CD226: variants seen among roughly 807,000 people sequenced by gnomAD.
The protein encoded by CD226 is CD226 antigen.
Under a neutral mutation model 34.9 loss-of-function variants are expected in CD226, and 24 were observed. The ratio of observed to expected loss-of-function variants is 0.69; its 90% confidence interval spans 0.50 to 0.97. The LOEUF is 0.97. Among genes scored for constraint, CD226 ranks in the 50% least tolerant of loss-of-function variants. CD226 has a pLI of 0.00. For synonymous variants in CD226, 148 were observed against 147.4 expected, an observed-to-expected ratio of 1.00 and a Z score of -0.03; for missense variants, 397 against 412.7, an observed-to-expected ratio of 0.96 and a Z score of 0.33.
At chr18:69,933,598 A>G (rs1045098354) in intron 2 of CD226, among the ~76,000 whole-genome samples, 2 of 152,216 alleles carry the variant, frequency 1.3e-5, no homozygotes, top group Non-Finnish European at 2.9e-5. Context: ...GTATAGGCAT[A>G]CATTCTTTCT....
intron 2 of CD226, among the ~76,000 whole-genome samples, chr18:69,926,823 A>C (rs577052083): frequency 1.3e-5 from 2 of 152,316 alleles, no homozygotes; most frequent in African/African-American, 2.4e-5. Flanking sequence ...AAAATGAAGA[A>C]ACTTTTCAGA....
chr18:69,888,227 G>C (rs1984676089), intron 3 of CD226, among the ~76,000 whole-genome samples: 1 of 151,994 alleles, frequency 6.6e-6, no homozygotes, highest in South Asian at 2.1e-4. Flanking sequence ...AGAAATCTTT[G>C]ATCAATCATT....
intron 2 of CD226, among the ~76,000 whole-genome samples, chr18:69,929,016 C>G (rs2055557207): frequency 6.6e-6 from 1 of 152,112 alleles, no homozygotes. Context: ...GGTGAGGGCT[C>G]CAAAGACAAA....
intron 3 of CD226, among the ~76,000 whole-genome samples, chr18:69,881,711 A>C (rs559759376): frequency 6.6e-6 from 1 of 152,290 alleles, no homozygotes; most frequent in African/African-American, 2.4e-5. Context: ...AGTCGTGTAC[A>C]GCAGAGCATG....
chr18:69,869,459 C>T (rs1475582234), intron 4 of CD226, among the ~76,000 whole-genome samples: 5 of 152,102 alleles, frequency 3.3e-5, no homozygotes, highest in South Asian at 2.1e-4. Context: ...ATGATGAGAA[C>T]ACATGGACAC....
At chr18:69,900,704 AGTCCG>A (rs2055170141) in intron 2 of CD226, among the ~76,000 whole-genome samples, 1 of 146,584 alleles carries the variant, frequency 6.8e-6, no homozygotes, top group Non-Finnish European at 1.5e-5. Context: ...TGCAGTCCGC[AGTCCG>A]GCCTGGGCGA....
intron 2 of CD226, among the ~76,000 whole-genome samples, chr18:69,934,545 T>C (rs1010344125): frequency 1.3e-5 from 2 of 152,244 alleles, no homozygotes; most frequent in Non-Finnish European, 2.9e-5. Context: ...GCAGATATGA[T>C]GCACATAGCT....
intron 3 of CD226, among the ~76,000 whole-genome samples, chr18:69,883,065 G>A (rs1984357571): frequency 6.6e-6 from 1 of 152,150 alleles, no homozygotes; most frequent in Admixed American, 6.5e-5. Flanking sequence ...CATGTCTGTA[G>A]ACATGTCTTG....
At chr18:69,895,272 G>A (rs1038100778) in intron 3 of CD226, among the ~76,000 whole-genome samples, 1 of 152,142 alleles carries the variant, frequency 6.6e-6, no homozygotes, top group Non-Finnish European at 1.5e-5. Flanking sequence ...TGCACTCAAC[G>A]CAGCCCTGCT....
intron 5 of CD226, among the ~76,000 whole-genome samples, chr18:69,865,384 C>G (rs1392590833): frequency 6.6e-6 from 1 of 151,550 alleles, no homozygotes; most frequent in African/African-American, 2.4e-5. Flanking sequence ...TGAAGTAGTT[C>G]TAATGTCTTT....
At chr18:69,936,703 A>T (rs2055658163) in intron 2 of CD226, among the ~76,000 whole-genome samples, 1 of 152,222 alleles carries the variant, frequency 6.6e-6, no homozygotes, top group Non-Finnish European at 1.5e-5. Flanking sequence ...AATGGGCCTG[A>T]AGAGAGAGCT....
At chr18:69,920,416 G>A (rs1461334477) in intron 2 of CD226, among the ~76,000 whole-genome samples, 1 of 152,102 alleles carries the variant, frequency 6.6e-6, no homozygotes, top group South Asian at 2.1e-4. Flanking sequence ...ATGCTTCATG[G>A]AGTTTATAAT....
intron 3 of CD226, among the ~76,000 whole-genome samples, chr18:69,874,098 A>C (rs1429436365): frequency 6.6e-6 from 1 of 152,156 alleles, no homozygotes; most frequent in East Asian, 1.9e-4. Context: ...TTCTCATCCT[A>C]AATCTTTCAC....
chr18:69,869,799 CTTTTTTTTT>C (rs1002754140), intron 4 of CD226, among the ~76,000 whole-genome samples: 3 of 121,684 alleles, frequency 2.5e-5, no homozygotes, highest in East Asian at 2.4e-4. Context: ...TCTTTTTTTT[CTTTTTTTTT>C]TTTTTTTTTT....
intron 3 of CD226, among the ~76,000 whole-genome samples, chr18:69,876,098 T>TA (rs1002654885): frequency 4.6e-5 from 7 of 151,862 alleles, no homozygotes; most frequent in East Asian, 1.9e-4. Context: ...GTTAATTATT[T>TA]AAAAAAAAAT....
At chr18:69,885,992 T>C (rs1377384538) in intron 3 of CD226, among the ~76,000 whole-genome samples, 2 of 152,202 alleles carry the variant, frequency 1.3e-5, no homozygotes, top group Non-Finnish European at 2.9e-5. Context: ...CTATCACTTG[T>C]ATAAACCTCT....
chr18:69,949,549 T>C (rs906372300), upstream of CD226, among the ~76,000 whole-genome samples: 5 of 151,876 alleles, frequency 3.3e-5, no homozygotes, highest in Non-Finnish European at 7.4e-5. Flanking sequence ...CCTCCTGCAT[T>C]CATATCTTCT....
Position 69,947,331 on chromosome 18 carries a change from T to C in CD226, c.46+30A>G, listed in dbSNP as rs75418532. 7,059 of 1,446,224 alleles carry C rather than the reference T, an allele frequency of 4.9e-3. 261 individuals are homozygous for C. In the African/African-American group the frequency reaches 0.083, roughly 17 times the overall value. The allele number at this position is 1,446,224 out of a possible 1,614,324, so 89.6% of individuals were successfully genotyped here. A position where few individuals can be genotyped will look rare whatever the true frequency, so the allele number is the denominator to read the frequency against. On this transcript the variant is annotated intron_variant, in intron 1 of 5. Coordinates refer to ENST00000582621, the MANE Select transcript of CD226 (RefSeq NM_001303618.2). ...TACAAACAAAAACAGGAGCAAAACT[T>C]TTAAATGAAAATATAAAGATCATCT...
rs17081891 is a variant in CD226 at position 69,935,685 on chromosome 18, T to C, written c.382+11049A>G. Among the ~76,000 whole-genome samples the C allele has an allele frequency of 2.6e-5, 4 of 152,076 alleles. No homozygotes were observed. The South Asian group carries it at 8.3e-4, about 32-fold the overall frequency. On this transcript the variant is annotated intron_variant, in intron 2 of 5. Transcript: ENST00000582621. Reference sequence around the variant, plus strand: ...TGTGAGTTGTCTTGATCACTGAGAGTTGAAGGAGGAAAAACCAAGAACTGT... The same window carrying C: ...TGTGAGTTGTCTTGATCACTGAGAGCTGAAGGAGGAAAAACCAAGAACTGT...
Sources: gnomAD v4.1 joint callset for allele counts (sites outside exome capture counted in the v4.1 genomes callset) on GRCh38, gnomAD v4.1.1 for gene constraint, MANE v1.5 for transcripts, NCBI Gene and HGNC (gene_info 2026-07-23, HGNC 2026-07-21) for gene names.